The following USH2A variants were observed in gnomAD, a reference collection of about 807,000 sequenced individuals.
USH2A encodes Usher syndrome 2A (autosomal recessive, mild).
A neutral mutation model predicts 538.9 loss-of-function variants in USH2A; 443 were observed. That is an observed-to-expected ratio of 0.82 (90% CI 0.76 to 0.89). USH2A has a LOEUF of 0.89. USH2A is among the 40% of genes least tolerant of loss of function. The probability of loss-of-function intolerance (pLI) is 0.00; values close to 1 mark genes in which losing one functional copy is unlikely to be tolerated. For synonymous variants in USH2A, 2,413 were observed against 2,273.5 expected, an observed-to-expected ratio of 1.06 and a Z score of -1.75; for missense variants, 6,633 against 6,324.8, an observed-to-expected ratio of 1.05 and a Z score of -1.65.
intron 35 of USH2A, among the ~76,000 whole-genome samples, chr1:215,984,303 A>G (rs1381577149): frequency 6.6e-6 from 1 of 152,236 alleles, no homozygotes; most frequent in African/African-American, 2.4e-5. Context: ...GCTGAAGCAA[A>G]ATAAAACTGT....
intron 27 of USH2A, 92 bp from the exon 28 acceptor site, chr1:216,073,392 A>G (rs2031631772): frequency 7.3e-7 from 1 of 1,370,018 alleles, no homozygotes; most frequent in African/African-American, 1.4e-5. Flanking sequence ...ATTTTGAGGA[A>G]GGGGGGTGGT....
At chr1:215,955,660 C>T (rs1667046525) in intron 37 of USH2A, among the ~76,000 whole-genome samples, 1 of 152,064 alleles carries the variant, frequency 6.6e-6, no homozygotes, top group African/African-American at 2.4e-5. Context: ...AATCCAAATT[C>T]TCTAAAAGCC....
At chr1:215,805,166 G>C (rs1192747208) in intron 49 of USH2A, among the ~76,000 whole-genome samples, 1 of 152,088 alleles carries the variant, frequency 6.6e-6, no homozygotes, top group Admixed American at 6.6e-5. Context: ...GATAGGATTA[G>C]GAGATATACC....
chr1:216,199,598 AAAGGGGAATCTC>A lies in USH2A; in HGVS notation c.3811+17_3811+28del, dbSNP rs755920221. 1 of 1,613,374 alleles carries A rather than the reference AAAGGGGAATCTC, an allele frequency of 6.2e-7. No homozygotes were observed. The highest frequency in any genetic ancestry group is 1.3e-5 in the African/African-American group (1 of 74,914). On this transcript the variant is annotated intron_variant, in intron 17 of 71. Coordinates refer to ENST00000307340, the MANE Select transcript of USH2A (RefSeq NM_206933.4). ...AGATTCTCATTCATGTCTTGACCAA[AAAGGGGAATCTC>A]AGCCTTGGATTCTTACCATTTAGTT...
chr1:216,149,139 T>G (rs2033777927), intron 21 of USH2A, among the ~76,000 whole-genome samples: 1 of 152,136 alleles, frequency 6.6e-6, no homozygotes, highest in South Asian at 2.1e-4. Flanking sequence ...CTGTAGCCTT[T>G]CTGTCCAAAC....
Position 216,422,049 on chromosome 1 carries a change from G to T in USH2A, c.288C>A (p.Thr96=). Reference sequence around the variant, plus strand: ...GGCCTGCTGAGAAAAGGGCAGTGTAGGTAGGGTGTGAAGATCTGTATGGGC... The same window carrying T: ...GGCCTGCTGAGAAAAGGGCAGTGTATGTAGGGTGTGAAGATCTGTATGGGC... The part of the protein sequence containing the change: ...QDCPYRSSHP[T]YTALFSAGLS... The change falls in exon 2 of 72, where the codon ACC becomes ACA. Residue 96 remains threonine, a synonymous_variant. Transcript: ENST00000307340. 1 of 1,613,860 alleles carries T rather than the reference G, an allele frequency of 6.2e-7. No individual in the cohort carries two copies. The highest frequency in any genetic ancestry group is 8.5e-7 in the Non-Finnish European group (1 of 1,179,904).
At chr1:215,983,466 T>C (rs1274322290) in intron 35 of USH2A, among the ~76,000 whole-genome samples, 1 of 152,208 alleles carries the variant, frequency 6.6e-6, no homozygotes, top group African/African-American at 2.4e-5. Context: ...ACTAGAATCT[T>C]TGAGCTTGGC....
chr1:215,863,271 G>A (rs771931771), intron 44 of USH2A, among the ~76,000 whole-genome samples: 1 of 152,146 alleles, frequency 6.6e-6, no homozygotes, highest in Non-Finnish European at 1.5e-5. Flanking sequence ...AGGTGCACAA[G>A]TGACTGAGAA....
intron 9 of USH2A, among the ~76,000 whole-genome samples, chr1:216,313,799 A>G (rs943305694): frequency 6.6e-6 from 1 of 152,150 alleles, no homozygotes; most frequent in Admixed American, 6.5e-5. Context: ...ATACAATTCC[A>G]TATTTCTTGG....
intron 56 of USH2A, among the ~76,000 whole-genome samples, 153 bp from the exon 57 acceptor site, chr1:215,759,996 T>C (rs111604711): frequency 2.0e-5 from 3 of 152,166 alleles, no homozygotes; most frequent in African/African-American, 7.2e-5. Flanking sequence ...TTGGTGTAAA[T>C]ATATTTTTAT....
chr1:216,393,686 G>T (rs1045678159), intron 3 of USH2A, among the ~76,000 whole-genome samples: 1 of 152,042 alleles, frequency 6.6e-6, no homozygotes. Flanking sequence ...ACTCAGTCAC[G>T]TTCAGCCTAT....
chr1:215,872,924 G>T (rs1248305561), intron 43 of USH2A, among the ~76,000 whole-genome samples: 1 of 152,008 alleles, frequency 6.6e-6, no homozygotes, highest in African/African-American at 2.4e-5. Context: ...ACGGGTAAAA[G>T]CTCCCTGAAG....
Position 216,196,645 on chromosome 1 carries a change from C to G in USH2A, c.4159G>C (p.Asp1387His). The G allele has an allele frequency of 6.2e-7, 1 of 1,613,538 alleles. No individual in the cohort carries two copies. Among genetic ancestry groups the G allele is most frequent in the Non-Finnish European group, 8.5e-7 (1 of 1,179,700 alleles). The change falls in exon 19 of 72, where the codon GAT becomes CAT. Residue 1387 changes from aspartate to histidine, a missense_variant. Coordinates refer to ENST00000307340, the MANE Select transcript of USH2A (RefSeq NM_206933.4). ...SLNISWEKPA[D>H]NVTRGKVVGY... The stretch of plus-strand genomic sequence containing the variant: ...ACAACTTTTCCTCTTGTAACATTAT[C>G]TGCTGGCTTCTCCCAGGAGATATTG...
chr1:215,802,700 C>T (rs1662373376), intron 49 of USH2A, among the ~76,000 whole-genome samples: 1 of 152,032 alleles, frequency 6.6e-6, no homozygotes, highest in Admixed American at 6.6e-5. Flanking sequence ...TATGGCAGTT[C>T]TTAACATGAA....
intron 4 of USH2A, among the ~76,000 whole-genome samples, chr1:216,354,912 A>T (rs539372535): frequency 1.3e-5 from 2 of 152,302 alleles, no homozygotes; most frequent in East Asian, 3.9e-4. Flanking sequence ...CAAGAATTTA[A>T]GCAAACCTCA....
At chr1:215,673,446 A>T (rs1056377029) in intron 63 of USH2A, among the ~76,000 whole-genome samples, 1 of 152,140 alleles carries the variant, frequency 6.6e-6, no homozygotes, top group African/African-American at 2.4e-5. Flanking sequence ...GATGGGGAAA[A>T]CTGCCAAACA....
intron 9 of USH2A, among the ~76,000 whole-genome samples, chr1:216,308,717 G>A (rs973274645): frequency 2.0e-5 from 3 of 151,974 alleles, no homozygotes; most frequent in Admixed American, 6.6e-5. Flanking sequence ...ATAAAATTCT[G>A]CTTTATACTT....
At chr1:215,657,723 A>G (rs1657305835) in intron 64 of USH2A, among the ~76,000 whole-genome samples, 1 of 152,136 alleles carries the variant, frequency 6.6e-6, no homozygotes, top group South Asian at 2.1e-4. Context: ...CTTGCTTTCC[A>G]TGAGCACTTT....
intron 21 of USH2A, among the ~76,000 whole-genome samples, chr1:216,160,899 T>G (rs1169387922): frequency 6.6e-6 from 1 of 152,128 alleles, no homozygotes; most frequent in Non-Finnish European, 1.5e-5. Flanking sequence ...TCAACTTCAG[T>G]TTTATATACA....
Sources: gnomAD v4.1 joint callset for allele counts (sites outside exome capture counted in the v4.1 genomes callset) on GRCh38, gnomAD v4.1.1 for gene constraint, MANE v1.5 for transcripts, NCBI Gene and HGNC (gene_info 2026-07-23, HGNC 2026-07-21) for gene names.